Variants in DRP2 observed in about 807,000 individuals in gnomAD.
DRP2 encodes dystrophin-related protein 2.
In DRP2, 29 loss-of-function variants were observed where a neutral mutation model predicts 78.2. That is an observed-to-expected ratio of 0.37 (90% CI 0.28 to 0.51). The LOEUF (loss-of-function observed/expected upper bound fraction) is 0.51. Ranked by LOEUF, DRP2 falls within the 20% of genes least tolerant of loss-of-function variation. The pLI is 0.94. For missense variants in DRP2, 686 were observed against 770.6 expected (o/e 0.89, Z 1.30); for synonymous variants, 290 against 281.9 (o/e 1.03, Z -0.29).
chrX:101,248,556 C>T lies in DRP2; in HGVS notation c.1497C>T (p.Gly499=), dbSNP rs1923014808. The change falls in exon 14 of 24, where the codon GGC becomes GGT. Residue 499 remains glycine, a synonymous_variant. Transcript: ENST00000395209. ...GKMRALSFKT[G]IACLCGTEVK... ...TGCGGGCATTGTCTTTTAAGACTGG[C>T]ATTGCATGCTTGTGTGGCACGGAAG... 2.5e-6 allele frequency: 3 copies of T among 1,210,409 alleles called. No individual in the cohort carries two copies. In the Admixed American group the frequency reaches 6.5e-5, roughly 26 times the overall value.
In DRP2 at chrX:101,264,237, C is replaced by T; in HGVS notation, c.*3616C>T. On this transcript the variant is annotated 3_prime_UTR_variant, in exon 24 of 24. Coordinates refer to ENST00000395209, the MANE Select transcript of DRP2 (RefSeq NM_001939.3). ...ACAGTTGCCACATTTGAGAGGGGGCCTGCTGAATGCCCTTGCTGTCCCCTA... is the reference window on the plus strand; with the variant it reads ...ACAGTTGCCACATTTGAGAGGGGGCTTGCTGAATGCCCTTGCTGTCCCCTA... 8.9e-6 allele frequency: 1 copy of T among 112,079 alleles called. No homozygotes were observed. Among genetic ancestry groups the T allele is most frequent in the Middle Eastern group, 4.6e-3 (1 of 219 alleles). The allele number at this position is 112,079 out of a possible 1,213,427, so 9.2% of individuals were successfully genotyped here.
At chrX:101,227,956 C>A (rs1231993713) in intron 2 of DRP2, among the ~76,000 whole-genome samples, 2 of 112,036 alleles carry the variant, frequency 1.8e-5, no homozygotes. Context: ...AGAAGAGATA[C>A]AAACGACCAC....
Position 101,220,825 on chromosome X carries a change from C to T in DRP2, c.-167+679C>T, listed in dbSNP as rs181380345. ...ACATTTTTCCCCCTTATCTTCTCCC[C>T]TGGTTTCCTTTCTACACCCTGTAAT... On this transcript the variant is annotated intron_variant, in intron 1 of 23. Coordinates refer to ENST00000395209, the MANE Select transcript of DRP2 (RefSeq NM_001939.3). Among the ~76,000 whole-genome samples, 4 of 111,608 alleles carry T rather than the reference C, an allele frequency of 3.6e-5. No homozygotes were observed. The East Asian group carries it at 1.1e-3, about 32-fold the overall frequency.
chrX:101,242,003 A>G, intron 7 of DRP2, 67 bp downstream of exon 7: 3 of 1,084,944 alleles, frequency 2.8e-6, no homozygotes, highest in Non-Finnish European at 3.7e-6. Flanking sequence ...GACACTGACA[A>G]TGTTTCTGCT....
In DRP2 at chrX:101,231,593, T is replaced by C. The variant is rs1352172376; in HGVS notation, c.-55T>C. 8.9e-6 allele frequency: 9 copies of C among 1,011,098 alleles called. No homozygotes were observed. The highest frequency in any genetic ancestry group is 1.1e-5 in the Non-Finnish European group (8 of 713,911). The allele number at this position is 1,011,098 out of a possible 1,213,427, so 83.3% of individuals were successfully genotyped here. ...CTGTATTGCTTTTCCAGGTGCTTAA[T>C]GATCAATAGTTGGTGCACTGCCTAT... On this transcript the variant is annotated 5_prime_UTR_variant, in exon 3 of 24. An upstream start codon of the reference 5' UTR is lost. Coordinates refer to ENST00000395209, the MANE Select transcript of DRP2 (RefSeq NM_001939.3).
At position 101,260,144 on chromosome X, in the gene DRP2, G is replaced by A; in HGVS notation, c.2724G>A (p.Gln908=). ...GCAGTCACCCCCGGGAGAAGGGACAGACTACTCCAGATACCGAGGCTGCAG... is the reference window on the plus strand; with the variant it reads ...GCAGTCACCCCCGGGAGAAGGGACAAACTACTCCAGATACCGAGGCTGCAG... ...SEGSHPREKG[Q]TTPDTEAADD... Residue 908 remains glutamine (Q), a synonymous_variant, in exon 23 of 24, where the codon CAG becomes CAA. Transcript: ENST00000395209. 8.3e-7 allele frequency: 1 copy of A among 1,211,583 alleles called. No homozygotes were observed. Among genetic ancestry groups the A allele is most frequent in the East Asian group, 3.0e-5 (1 of 33,809 alleles).
In DRP2 at chrX:101,231,657, A is replaced by G. The variant is rs1369949523; in HGVS notation, c.10A>G (p.Met4Val). The change falls in exon 3 of 24, where the codon ATG (methionine) becomes GTG (valine). Residue 4 changes from methionine to valine, a missense_variant. Met to Val is a conservative substitution (Grantham distance 21). Transcript: ENST00000395209. MQP[M>V]VMQGCPYTLP... Reference sequence around the variant, plus strand: ...ATGAGCCTTGGTTTTTATGCAACCTATGGTCATGCAGGGATGCCCTTACAC... The same window carrying G: ...ATGAGCCTTGGTTTTTATGCAACCTGTGGTCATGCAGGGATGCCCTTACAC... 1.3e-5 allele frequency: 16 copies of G among 1,210,131 alleles called. No homozygotes were observed. Among genetic ancestry groups the G allele is most frequent in the East Asian group, 3.0e-5 (1 of 33,812 alleles).
At position 101,237,668 on chromosome X, in the gene DRP2, C is replaced by T. The variant is rs897975497; in HGVS notation, c.331C>T (p.Leu111Phe). Reference protein sequence around the residue: ...SDHSGKLQLPLQEIIDWLSQK... With the variant: ...SDHSGKLQLPFQEIIDWLSQK... ...CCACAGTGGAAAGCTTCAGCTCCCT[C>T]TTCAAGAGATTATTGACTGGCTCAG... Residue 111 changes from leucine (L) to phenylalanine (F), a missense_variant, in exon 5 of 24, where the codon CTT becomes TTT. By Grantham distance (22) the Leu-to-Phe change is conservative. Coordinates refer to ENST00000395209, the MANE Select transcript of DRP2 (RefSeq NM_001939.3). 3.4e-6 allele frequency: 4 copies of T among 1,175,972 alleles called. No homozygotes were observed. The highest frequency in any genetic ancestry group is 4.6e-6 in the Non-Finnish European group (4 of 872,898).
At position 101,260,127 on chromosome X, in the gene DRP2, C is replaced by T. The variant is rs747222266; in HGVS notation, c.2707C>T (p.Pro903Ser). 3.3e-6 allele frequency: 4 copies of T among 1,209,290 alleles called. No homozygotes were observed. Among genetic ancestry groups the T allele is most frequent in the Non-Finnish European group, 4.5e-6 (4 of 895,030 alleles). ...SSPQQSEGSH[P>S]REKGQTTPDT... is the part of the protein sequence containing the mutation. ...TCCACAGCAGTCAGAAGGCAGTCACCCCCGGGAGAAGGGACAGACTACTCC... is the reference window on the plus strand; with the variant it reads ...TCCACAGCAGTCAGAAGGCAGTCACTCCCGGGAGAAGGGACAGACTACTCC... Residue 903 changes from proline to serine, a missense_variant, in exon 23 of 24, where the codon CCC (proline) becomes TCC (serine). Physicochemically the swap from Pro to Ser is moderately conservative, Grantham distance 74. Coordinates refer to ENST00000395209, the MANE Select transcript of DRP2 (RefSeq NM_001939.3).
intron 21 of DRP2, among the ~76,000 whole-genome samples, chrX:101,256,610 G>A (rs1488314550): frequency 9.4e-6 from 1 of 106,698 alleles, no homozygotes; most frequent in African/African-American, 3.4e-5. Context: ...GTGCAGTGTC[G>A]TGATCTCGGC....
At chrX:101,240,410 G>GT in intron 6 of DRP2, among the ~76,000 whole-genome samples, 1 of 112,012 alleles carries the variant, frequency 8.9e-6, no homozygotes, top group East Asian at 2.8e-4. Flanking sequence ...TAATTTTTGT[G>GT]TTTTTTGAAG....
At chrX:101,234,781 A>G in intron 3 of DRP2, among the ~76,000 whole-genome samples, 1 of 109,241 alleles carries the variant, frequency 9.2e-6, no homozygotes, top group African/African-American at 3.3e-5. Flanking sequence ...GCTGTGAGCT[A>G]TGGTTTTAAT....
chrX:101,239,768 G>C (rs375231116), intron 6 of DRP2, among the ~76,000 whole-genome samples: 2 of 111,930 alleles, frequency 1.8e-5, no homozygotes, highest in South Asian at 7.6e-4. Context: ...TAATAGAGAC[G>C]GGGTTTCACT....
intron 13 of DRP2, 72 bp from the exon 14 acceptor site, chrX:101,248,442 G>A (rs953593094): frequency 5.2e-6 from 6 of 1,148,156 alleles, no homozygotes; most frequent in Non-Finnish European, 7.1e-6. Flanking sequence ...TCAACTTTGT[G>A]AGGGAAATGA....
intron 17 of DRP2, among the ~76,000 whole-genome samples, chrX:101,253,751 A>G (rs16983916): frequency 0.39 from 41,655 of 106,949 alleles, 6,267 homozygotes; most frequent in African/African-American, 0.48. Context: ...AATCCTGTTG[A>G]CACAGAAACG....
chrX:101,254,300 G>A, intron 17 of DRP2, 125 bp from the exon 18 acceptor site: 1 of 869,315 alleles, frequency 1.2e-6, no homozygotes, highest in South Asian at 2.5e-5. Context: ...TCTAGGAGCA[G>A]GGTATGGTGG....
chrX:101,248,390 C>G lies in DRP2; in HGVS notation c.1454+100C>G, dbSNP rs779700506. 4.1e-5 allele frequency: 45 copies of G among 1,104,561 alleles called. No homozygotes were observed. In the South Asian group the frequency reaches 8.2e-4, roughly 20 times the overall value. 91.0% of individuals were successfully genotyped at this position (1,104,561 alleles called of 1,213,427 possible). On this transcript the variant is annotated intron_variant, in intron 13 of 23. Transcript: ENST00000395209. ...GTTGCTCCCATAGTAGACTTGGACC[C>G]AGCTCAGCTTGGGGCATGGTTGGAA...
At position 101,231,675 on chromosome X, in the gene DRP2, C is replaced by T; in HGVS notation, c.28C>T (p.Pro10Ser). ...GCAACCTATGGTCATGCAGGGATGC[C>T]CTTACACCCTCCCACGATGTCATGA... is the stretch of plus-strand genomic sequence containing the variant. Reference protein sequence around the residue: MQPMVMQGCPYTLPRCHDWQ... With the variant: MQPMVMQGCSYTLPRCHDWQ... The change falls in exon 3 of 24, where the codon CCT (proline) becomes TCT (serine). Residue 10 changes from proline (P) to serine (S), a missense_variant. Around this residue, in one of 2 missense-constraint regions of DRP2, gnomAD observed 263 missense variants for 239.1 expected, o/e 1.10. Coordinates refer to ENST00000395209, the MANE Select transcript of DRP2 (RefSeq NM_001939.3). 9 of 1,211,062 alleles carry T rather than the reference C, an allele frequency of 7.4e-6. No homozygotes were observed. Among genetic ancestry groups the T allele is most frequent in the Non-Finnish European group, 1.0e-5 (9 of 895,045 alleles).
At chrX:101,247,572 C>T (rs1172594072) in intron 12 of DRP2, among the ~76,000 whole-genome samples, 4 of 111,406 alleles carry the variant, frequency 3.6e-5, no homozygotes, top group Non-Finnish European at 5.7e-5. Flanking sequence ...TGGCCTTTCT[C>T]GGAGACACTG....
Sources: allele counts gnomAD v4.1 joint callset (sites outside exome capture counted in the v4.1 genomes callset), GRCh38; gene constraint gnomAD v4.1.1; regional missense constraint gnomAD v4.1.1; transcripts MANE v1.5; gene names NCBI Gene and HGNC (gene_info 2026-07-23, HGNC 2026-07-21).